LIN9: variants seen among roughly 807,000 people sequenced by gnomAD.
LIN9 encodes the protein lin-9 DREAM MuvB core complex component.
LIN9 carries 18 observed loss-of-function variants against 78.0 expected under a neutral mutation model. The ratio of observed to expected loss-of-function variants is 0.23; its 90% CI spans 0.16 to 0.34. The LOEUF (loss-of-function observed/expected upper bound fraction) is 0.34. LIN9 is among the 10% of genes least tolerant of loss of function. LIN9 has a pLI of 1.00. For synonymous variants in LIN9, 192 were observed against 215.2 expected, an observed-to-expected ratio of 0.89 and a Z score of 0.94; for missense variants, 451 against 644.1, an observed-to-expected ratio of 0.70 and a Z score of 3.25.
chr1:226,276,328 T>C (rs953241375), intron 7 of LIN9, among the ~76,000 whole-genome samples: 2 of 152,230 alleles, frequency 1.3e-5, no homozygotes, highest in Non-Finnish European at 2.9e-5. Context: ...GTTATTTATA[T>C]GGAGTTTTTA....
chr1:226,238,992 T>G lies in LIN9; in HGVS notation c.1224A>C (p.Lys408Asn). ...LNKDLNKVLH[K>N]VQQYCYELAP... ...TTACCTCATAGCAATACTGTTGAAC[T>G]TTATGCAAAACTTTGTTTAGGTCCT... The change falls in exon 12 of 15, where the codon AAA (lysine) becomes AAC (asparagine). Residue 408 changes from lysine (K) to asparagine (N), a missense_variant. Lys to Asn is a moderately conservative substitution (Grantham distance 94, BLOSUM62 0). Coordinates refer to ENST00000681046, the MANE Select transcript of LIN9 (RefSeq NM_001366245.2). 6.2e-7 allele frequency: 1 copy of G among 1,613,790 alleles called. No individual in the cohort carries two copies. The highest frequency in any genetic ancestry group is 8.5e-7 in the Non-Finnish European group (1 of 1,179,862).
intron 2 of LIN9, among the ~76,000 whole-genome samples, chr1:226,299,492 G>A (rs1253045004): frequency 6.8e-5 from 9 of 132,954 alleles, no homozygotes; most frequent in African/African-American, 1.9e-4. Flanking sequence ...GCGACAAACC[G>A]AGACTCAGTC....
chr1:226,244,944 T>G (rs1302333778), intron 11 of LIN9, among the ~76,000 whole-genome samples: 1 of 152,188 alleles, frequency 6.6e-6, no homozygotes, highest in Non-Finnish European at 1.5e-5. Flanking sequence ...CTTGCAAACA[T>G]GCTGCAATGA....
chr1:226,299,025 T>C (rs1662342536), intron 2 of LIN9, among the ~76,000 whole-genome samples: 1 of 152,228 alleles, frequency 6.6e-6, no homozygotes, highest in Non-Finnish European at 1.5e-5. Flanking sequence ...CATATTATAA[T>C]GATTAGACAT....
At chr1:226,264,393 CAAAT>C (rs1448805394) in intron 10 of LIN9, among the ~76,000 whole-genome samples, 1 of 151,364 alleles carries the variant, frequency 6.6e-6, no homozygotes, top group South Asian at 2.1e-4. Context: ...AATAAATAAA[CAAAT>C]AAATAAATAA....
intron 10 of LIN9, among the ~76,000 whole-genome samples, chr1:226,253,211 T>G (rs554023744): frequency 6.8e-6 from 1 of 147,128 alleles, no homozygotes; most frequent in African/African-American, 2.5e-5. Context: ...TGTAGTGATC[T>G]GTGATCATGC....
intron 6 of LIN9, among the ~76,000 whole-genome samples, chr1:226,285,000 T>C (rs1011968269): frequency 1.3e-5 from 2 of 152,184 alleles, no homozygotes; most frequent in Non-Finnish European, 2.9e-5. Flanking sequence ...ATACCTGGAC[T>C]TCCTCAAAGA....
intron 7 of LIN9, among the ~76,000 whole-genome samples, chr1:226,272,482 C>T (rs1255057646): frequency 1.3e-5 from 2 of 148,980 alleles, no homozygotes; most frequent in African/African-American, 5.0e-5. Flanking sequence ...TGTGCTCAAG[C>T]GATCGTCTCA....
chr1:226,283,740 A>G (rs972202035), intron 6 of LIN9, among the ~76,000 whole-genome samples: 2 of 152,048 alleles, frequency 1.3e-5, no homozygotes, highest in African/African-American at 2.4e-5. Flanking sequence ...CTGAGGTCAG[A>G]TGTTTGAGAC....
rs1047398482 is a variant in LIN9, at chr1:226,291,323, C to T, written c.265-3526G>A. On this transcript the variant is annotated intron_variant, in intron 4 of 14. Coordinates refer to ENST00000681046, the MANE Select transcript of LIN9 (RefSeq NM_001366245.2). ...AGTAAAAAGAAATGAAACACTGAAT[C>T]CGATTATCTCAATCAATCAACATGG... Among the ~76,000 whole-genome samples the T allele has an allele frequency of 1.1e-4, 17 of 152,022 alleles. No homozygotes were observed. The South Asian group carries it at 3.5e-3, about 32-fold the overall frequency.
At position 226,233,018 on chromosome 1, in the gene LIN9, T is replaced by C; in HGVS notation, c.1523+78A>G. 4.9e-6 allele frequency: 4 copies of C among 814,254 alleles called. No homozygotes were observed. In the South Asian group the frequency reaches 7.3e-5, roughly 15 times the overall value. 50.4% of individuals were successfully genotyped at this position (814,254 alleles called of 1,614,324 possible). A position where few individuals can be genotyped will look rare whatever the true frequency, so the allele number is the denominator to read the frequency against. On this transcript the variant is annotated intron_variant, in intron 14 of 14. Coordinates refer to ENST00000681046, the MANE Select transcript of LIN9 (RefSeq NM_001366245.2). ...ATAATATATGAGTACTTCACAAATA[T>C]GCATAATTCTTAAAACCTGGACTGA...
At chr1:226,247,465 C>G (rs1000994383) in intron 11 of LIN9, among the ~76,000 whole-genome samples, 4 of 152,110 alleles carry the variant, frequency 2.6e-5, no homozygotes, top group Non-Finnish European at 4.4e-5. Context: ...GCCAACTTCT[C>G]CCAACCCTTG....
Position 226,266,341 on chromosome 1 carries a change from A to G in LIN9, c.817-9T>C. The G allele has an allele frequency of 1.3e-6, 2 of 1,577,864 alleles. No homozygotes were observed. On this transcript the variant is annotated splice_polypyrimidine_tract_variant and intron_variant, in intron 8 of 14. Transcript: ENST00000681046. ...TCATGAGGTTCATTACTCTGAGAAAACAGAATAATTCACAAAACTTAAAGA... is the reference window on the plus strand; with the variant it reads ...TCATGAGGTTCATTACTCTGAGAAAGCAGAATAATTCACAAAACTTAAAGA...
chr1:226,241,756 G>A (rs925095515), intron 11 of LIN9, among the ~76,000 whole-genome samples: 2 of 152,078 alleles, frequency 1.3e-5, no homozygotes, highest in African/African-American at 4.8e-5. Context: ...TACTCGGGAG[G>A]CTGAGGCAGG....
intron 11 of LIN9, among the ~76,000 whole-genome samples, chr1:226,243,101 C>T (rs1328551988): frequency 1.3e-5 from 2 of 152,148 alleles, no homozygotes; most frequent in Non-Finnish European, 2.9e-5. Context: ...CACCCCTAAC[C>T]CCCATGTTGT....
At chr1:226,304,121 C>G (rs541415167) in intron 1 of LIN9, among the ~76,000 whole-genome samples, 2 of 152,286 alleles carry the variant, frequency 1.3e-5, no homozygotes, top group South Asian at 4.1e-4. Flanking sequence ...ATATATTACA[C>G]AGTTAATTTT....
intron 7 of LIN9, among the ~76,000 whole-genome samples, chr1:226,272,284 G>A (rs1660331911): frequency 6.6e-6 from 1 of 151,618 alleles, no homozygotes. Flanking sequence ...TTGAACTCCT[G>A]ACCTCAAGTG....
intron 10 of LIN9, among the ~76,000 whole-genome samples, chr1:226,253,423 A>G (rs1043344389): frequency 6.6e-6 from 1 of 151,354 alleles, no homozygotes; most frequent in Non-Finnish European, 1.5e-5. Context: ...GCTCCCGAGT[A>G]GCTGGGACTA....
intron 3 of LIN9, 65 bp from the exon 4 acceptor site, chr1:226,296,011 A>G (rs1185305810): frequency 9.2e-7 from 1 of 1,086,440 alleles, no homozygotes; most frequent in Admixed American, 2.0e-5. Context: ...CCAAAATACA[A>G]TTCTATACTT....
Sources: gnomAD v4.1 joint callset for allele counts (sites outside exome capture counted in the v4.1 genomes callset) on GRCh38, gnomAD v4.1.1 for gene constraint, MANE v1.5 for transcripts, NCBI Gene and HGNC (gene_info 2026-07-23, HGNC 2026-07-21) for gene names.